Variants in TEX10 observed in about 807,000 individuals in gnomAD.
TEX10 encodes testis-expressed protein 10.
In TEX10, 24 loss-of-function variants were observed where a neutral mutation model predicts 104.4. That is an observed-to-expected ratio of 0.23 (90% CI 0.17 to 0.32). The LOEUF is 0.32. Among genes scored for constraint, TEX10 ranks in the 10% least tolerant of loss-of-function variants. The pLI is 1.00. For missense variants in TEX10, 921 were observed against 1,083.9 expected, an observed-to-expected ratio of 0.85 and a Z score of 2.11; for synonymous variants, 396 against 393.4, an observed-to-expected ratio of 1.01 and a Z score of -0.08.
chr9:100,352,213 G>A (rs1835471069), intron 1 of TEX10, among the ~76,000 whole-genome samples: 2 of 152,120 alleles, frequency 1.3e-5, no homozygotes, highest in African/African-American at 4.8e-5. Flanking sequence ...AAACTCATGA[G>A]TTCCTCCAAA....
Position 100,308,512 on chromosome 9 carries a change from T to C in TEX10, c.2453A>G (p.His818Arg), listed in dbSNP as rs1406353385. The C allele has an allele frequency of 1.3e-6, 2 of 1,586,544 alleles. No homozygotes were observed. Among genetic ancestry groups the C allele is most frequent in the East Asian group, 2.2e-5 (1 of 44,652 alleles). ...AAAAAATAATTACCTCTTTCTTAGA[T>C]GTTCTGCTTCCCCTTTCTCTATAGT... The part of the protein sequence containing the change: ...LLTIEKGEAE[H>R]LRKRDKLWGV... The change falls in exon 13 of 15, where the codon CAT becomes CGT. Residue 818 changes from histidine to arginine, a missense_variant. Around this residue, in one of 3 missense-constraint regions of TEX10, gnomAD observed 753 missense variants for 868.4 expected, o/e 0.87. Coordinates refer to ENST00000374902, the MANE Select transcript of TEX10 (RefSeq NM_017746.4).
intron 13 of TEX10, 122 bp from the exon 14 acceptor site, chr9:100,303,964 G>A: frequency 1.1e-6 from 1 of 944,586 alleles, no homozygotes; most frequent in Non-Finnish European, 1.6e-6. Flanking sequence ...CATTTAAACT[G>A]AGAGCCAAAT....
At position 100,329,210 on chromosome 9, in the gene TEX10, C is replaced by A; in HGVS notation, c.1555G>T (p.Val519Phe). The change falls in exon 7 of 15, where the codon GTT (valine) becomes TTT (phenylalanine). Residue 519 changes from valine (V) to phenylalanine (F), a missense_variant. By Grantham distance (50) the Val-to-Phe change is conservative (BLOSUM62 -1). Coordinates refer to ENST00000374902, the MANE Select transcript of TEX10 (RefSeq NM_017746.4). ...LYQQRGLILP[V>F]RTLLLKFFSK... ...AAAAACTTCAATAACAAAGTCCGAA[C>A]TGGAAGGATAAGGCCCCTCTGCTGA... 3 of 1,613,038 alleles carry A rather than the reference C, an allele frequency of 1.9e-6. No homozygotes were observed. Among genetic ancestry groups the A allele is most frequent in the East Asian group, 4.5e-5 (2 of 44,810 alleles).
intron 14 of TEX10, among the ~76,000 whole-genome samples, chr9:100,302,981 C>T (rs1456215245): frequency 2.7e-5 from 4 of 150,718 alleles, no homozygotes; most frequent in Non-Finnish European, 5.9e-5. Flanking sequence ...AGAGCTGTCC[C>T]GGCCAAACAG....
chr9:100,325,577 T>G (rs6479011), intron 9 of TEX10, among the ~76,000 whole-genome samples: 1 of 151,950 alleles, frequency 6.6e-6, no homozygotes, highest in Non-Finnish European at 1.5e-5. Flanking sequence ...GTCGCCCAGA[T>G]TGGAGTGCAG....
chr9:100,339,857 C>T (rs1225510741), intron 5 of TEX10, among the ~76,000 whole-genome samples: 3 of 151,628 alleles, frequency 2.0e-5, no homozygotes, highest in African/African-American at 4.8e-5. Flanking sequence ...CTTCGGGATA[C>T]TGATATTAGT....
chr9:100,330,034 T>C lies in TEX10; in HGVS notation c.1386A>G (p.Lys462=). 2 of 1,614,158 alleles carry C rather than the reference T, an allele frequency of 1.2e-6. No homozygotes were observed. Among genetic ancestry groups the C allele is most frequent in the Non-Finnish European group, 1.7e-6 (2 of 1,179,996 alleles). The change falls in exon 6 of 15, where the codon AAA becomes AAG. Residue 462 remains lysine, a synonymous_variant. Transcript: ENST00000374902. ...KDCSWIEMIR[K]FVTETLEDGS... ...CATCTTCAAGGGTCTCTGTTACAAATTTCCTTATCATTTCTATCCAACTGC... is the reference window on the plus strand; with the variant it reads ...CATCTTCAAGGGTCTCTGTTACAAACTTCCTTATCATTTCTATCCAACTGC...
intron 2 of TEX10, among the ~76,000 whole-genome samples, chr9:100,347,655 C>T (rs372060449): frequency 3.1e-4 from 47 of 152,092 alleles, no homozygotes; most frequent in African/African-American, 9.2e-4. Context: ...CAGGCTTAGG[C>T]GCTCTATGAT....
At chr9:100,306,051 C>T (rs918857362) in intron 13 of TEX10, 17 of 152,110 alleles carry the variant, frequency 1.1e-4, no homozygotes, top group African/African-American at 4.1e-4. Context: ...AAACCAAGAA[C>T]ACGCGAAAAT....
intron 9 of TEX10, among the ~76,000 whole-genome samples, chr9:100,323,098 C>T (rs1340352884): frequency 6.6e-6 from 1 of 152,186 alleles, no homozygotes; most frequent in Non-Finnish European, 1.5e-5. Context: ...CTATTATCTT[C>T]TTGACCTCAA....
At chr9:100,344,013 T>A (rs551083387) in intron 4 of TEX10, among the ~76,000 whole-genome samples, 5 of 152,242 alleles carry the variant, frequency 3.3e-5, no homozygotes, top group Non-Finnish European at 7.3e-5. Context: ...TTGTATAGAT[T>A]GTACCAATGA....
At chr9:100,329,669 A>G (rs1002423887) in intron 6 of TEX10, among the ~76,000 whole-genome samples, 2 of 152,218 alleles carry the variant, frequency 1.3e-5, no homozygotes, top group African/African-American at 4.8e-5. Context: ...ATCAAGGGAA[A>G]AAGTTCTCAA....
At chr9:100,321,651 T>A in intron 10 of TEX10, 32 bp downstream of exon 10, 4 of 1,558,522 alleles carry the variant, frequency 2.6e-6, no homozygotes, top group Admixed American at 1.7e-5. Context: ...TTAGGTTTTT[T>A]CTTTTTTAAT....
intron 4 of TEX10, among the ~76,000 whole-genome samples, chr9:100,343,782 A>G (rs1706806940): frequency 6.6e-6 from 1 of 152,306 alleles, no homozygotes; most frequent in Non-Finnish European, 1.5e-5. Flanking sequence ...TGAGAGAAAA[A>G]GAGTTACAAT....
At position 100,327,800 on chromosome 9, in the gene TEX10, G is replaced by T. The variant is rs772557692; in HGVS notation, c.1788C>A (p.Ala596=). The change falls in exon 8 of 15, where the codon GCC becomes GCA. Residue 596 remains alanine, a synonymous_variant. Transcript: ENST00000374902. ...KELLKSLQAT[A]LRIYDPQEGA... is the part of the protein sequence containing the mutation. ...ATGAACTCTTACCATAAATTCGGAG[G>T]GCAGTAGCTTGTAAACTTTTTAGTA... 2 of 1,580,092 alleles carry T rather than the reference G, an allele frequency of 1.3e-6. No individual in the cohort carries two copies. The highest frequency in any genetic ancestry group is 1.2e-5 in the South Asian group (1 of 84,870).
chr9:100,341,751 T>C (rs1587740272), intron 4 of TEX10, among the ~76,000 whole-genome samples: 1 of 152,264 alleles, frequency 6.6e-6, no homozygotes, highest in East Asian at 1.9e-4. Flanking sequence ...TTCAAAATGA[T>C]ACAGGAAGGG....
rs1288445860 is a variant in TEX10, at chr9:100,352,896, C to T, written c.-134G>A. ...GCTCCCGGAGCGTGTTTTCAAATAGCCTCGTCCTCACGCGGCCGCGTCTCC... is the reference window on the plus strand; with the variant it reads ...GCTCCCGGAGCGTGTTTTCAAATAGTCTCGTCCTCACGCGGCCGCGTCTCC... On this transcript the variant is annotated 5_prime_UTR_variant, in exon 1 of 15. Transcript: ENST00000374902. The T allele has an allele frequency of 1.0e-6, 1 of 992,882 alleles. No homozygotes were observed. The highest frequency in any genetic ancestry group is 4.6e-5 in the South Asian group (1 of 21,872). The allele number at this position is 992,882 out of a possible 1,614,324, so 61.5% of individuals were successfully genotyped here.
At chr9:100,336,204 T>C (rs546864949) in intron 5 of TEX10, among the ~76,000 whole-genome samples, 82 of 152,066 alleles carry the variant, frequency 5.4e-4, no homozygotes, top group African/African-American at 1.9e-3. Context: ...AAAATAAAAA[T>C]ACACTGGGGG....
At chr9:100,332,422 T>C (rs953520998) in intron 5 of TEX10, among the ~76,000 whole-genome samples, 6 of 152,118 alleles carry the variant, frequency 3.9e-5, no homozygotes, top group Non-Finnish European at 7.3e-5. Flanking sequence ...CAATAACATA[T>C]ACAGAAATTT....
Sources: allele counts gnomAD v4.1 joint callset (sites outside exome capture counted in the v4.1 genomes callset), GRCh38; gene constraint gnomAD v4.1.1; regional missense constraint gnomAD v4.1.1; transcripts MANE v1.5; gene names NCBI Gene and HGNC (gene_info 2026-07-23, HGNC 2026-07-21).